MCTP1: variants seen among roughly 807,000 people sequenced by gnomAD.
MCTP1 encodes the protein multiple C2 and transmembrane domain containing 1.
In MCTP1, 69 loss-of-function variants were observed where a neutral mutation model predicts 120.6. The observed-to-expected ratio is 0.57, with a 90% CI of 0.47 to 0.70. The LOEUF (loss-of-function observed/expected upper bound fraction) is 0.70, where lower values mean the gene tolerates loss of function less well. Ranked by LOEUF, MCTP1 falls within the 30% of genes least tolerant of loss-of-function variation. The pLI, the probability that MCTP1 is intolerant of heterozygous loss-of-function variation, is 0.00. For synonymous variants in MCTP1, 529 were observed against 493.1 expected, an observed-to-expected ratio of 1.07 and a Z score of -0.96; for missense variants, 1,203 against 1,248.8, an observed-to-expected ratio of 0.96 and a Z score of 0.55.
At chr5:95,254,462 C>T (rs889470554) in intron 1 of MCTP1, among the ~76,000 whole-genome samples, 3 of 152,112 alleles carry the variant, frequency 2.0e-5, no homozygotes, top group East Asian at 1.9e-4. Context: ...GGCAGCCTGG[C>T]TCCAGAACCT....
intron 11 of MCTP1, among the ~76,000 whole-genome samples, chr5:94,891,025 C>A (rs1043694853): frequency 2.8e-4 from 43 of 152,136 alleles, no homozygotes. Context: ...TACTGACAAG[C>A]AAAAGCTTAC....
chr5:95,284,637 T>A lies in MCTP1; in HGVS notation c.-62A>T, dbSNP rs1270254142. The A allele has an allele frequency of 1.5e-6, 2 of 1,290,852 alleles. No homozygotes were observed. The highest frequency in any genetic ancestry group is 3.8e-5 in the Admixed American group (1 of 26,176). 80.0% of individuals were successfully genotyped at this position (1,290,852 alleles called of 1,614,324 possible). A position where few individuals can be genotyped will look rare whatever the true frequency, so the allele number is the denominator to read the frequency against. On this transcript the variant is annotated 5_prime_UTR_variant, in exon 1 of 23. Transcript: ENST00000515393. The surrounding 1 kb of genome is among the most constrained non-coding windows in gnomAD (Gnocchi z 5.2). ...TCCTCCTCCTCCTGCTTCTCCTCCC[T>A]CTTCGGCTGCACCTCCTCCCGGGTC... is the stretch of plus-strand genomic sequence containing the variant.
chr5:94,882,163 T>C (rs1447895114), intron 12 of MCTP1, among the ~76,000 whole-genome samples: 1 of 152,194 alleles, frequency 6.6e-6, no homozygotes, highest in Admixed American at 6.5e-5. Flanking sequence ...GTCTGTAGTA[T>C]AGGATTGTAT....
intron 21 of MCTP1, 156 bp downstream of exon 21, chr5:94,710,662 T>TA: frequency 1.8e-6 from 1 of 566,050 alleles, no homozygotes; most frequent in Non-Finnish European, 3.1e-6. Context: ...TAAATCTTTA[T>TA]ACTGTTGTGA....
At chr5:94,996,130 G>A (rs990002070) in intron 2 of MCTP1, among the ~76,000 whole-genome samples, 1 of 152,032 alleles carries the variant, frequency 6.6e-6, no homozygotes, top group Non-Finnish European at 1.5e-5. Flanking sequence ...CACTGAGTGG[G>A]ATATAATATT....
intron 1 of MCTP1, among the ~76,000 whole-genome samples, chr5:95,244,050 T>C (rs1226167845): frequency 6.6e-6 from 1 of 152,080 alleles, no homozygotes; most frequent in Non-Finnish European, 1.5e-5. Flanking sequence ...ACAGAGAGAG[T>C]ATCTCCCTAC....
At chr5:95,220,176 T>C (rs908232790) in intron 1 of MCTP1, among the ~76,000 whole-genome samples, 2 of 152,212 alleles carry the variant, frequency 1.3e-5, no homozygotes, top group Admixed American at 6.5e-5. Context: ...GCCTATGTCA[T>C]TGAAGAGTTA....
At position 94,708,521 on chromosome 5, in the gene MCTP1, A is replaced by T. The variant is rs566033810; in HGVS notation, c.2919T>A (p.Asp973Glu). ...LLDFLSRVPS[D>E]VQVVQYQELK... is the part of the protein sequence containing the mutation. ...AACGAAACCTACATACCACTTGTAC[A>T]TCTGAAGGGACTCTGGAAAGGAAGT... Residue 973 changes from aspartate (D) to glutamate (E), a missense_variant, in exon 22 of 23, where the codon GAT becomes GAA. Around this residue, in one of 2 missense-constraint regions of MCTP1, gnomAD observed 740 missense variants for 871.1 expected, o/e 0.85. Coordinates refer to ENST00000515393, the MANE Select transcript of MCTP1 (RefSeq NM_024717.7). 6.3e-7 allele frequency: 1 copy of T among 1,595,044 alleles called. No homozygotes were observed. The highest frequency in any genetic ancestry group is 1.3e-5 in the African/African-American group (1 of 74,530).
intron 1 of MCTP1, among the ~76,000 whole-genome samples, chr5:95,222,975 T>C (rs1459248721): frequency 6.6e-6 from 1 of 152,226 alleles, no homozygotes; most frequent in African/African-American, 2.4e-5. Flanking sequence ...GGATGAAGTC[T>C]GAAGGCAGTC....
rs1463761484 is a variant in MCTP1, at chr5:94,773,980, G to A, written c.2610+5130C>T. On this transcript the variant is annotated intron_variant, in intron 19 of 22. Coordinates refer to ENST00000515393, the MANE Select transcript of MCTP1 (RefSeq NM_024717.7). Reference sequence around the variant, plus strand: ...TCCCAGCACTTTGGGAGGCCGAGGCGGGCGGATCACGAGGTCAGGAGATCG... The same window carrying A: ...TCCCAGCACTTTGGGAGGCCGAGGCAGGCGGATCACGAGGTCAGGAGATCG... Among the ~76,000 whole-genome samples, 6 of 39,276 alleles carry A rather than the reference G, an allele frequency of 1.5e-4. 2 individuals carry two copies. The highest frequency in any genetic ancestry group is 1.1e-3 in the South Asian group (1 of 902). 25.8% of individuals were successfully genotyped at this position (39,276 alleles called of 152,430 possible). A position where few individuals can be genotyped will look rare whatever the true frequency, so the allele number is the denominator to read the frequency against.
At chr5:95,110,076 T>C (rs1211629390) in intron 1 of MCTP1, among the ~76,000 whole-genome samples, 1 of 151,874 alleles carries the variant, frequency 6.6e-6, no homozygotes, top group Non-Finnish European at 1.5e-5. Context: ...TAAAATATTT[T>C]CCCCAAAACA....
chr5:95,265,597 C>T (rs1022774586), intron 1 of MCTP1, among the ~76,000 whole-genome samples: 1 of 152,202 alleles, frequency 6.6e-6, no homozygotes, highest in Non-Finnish European at 1.5e-5. Flanking sequence ...GAGTACACTA[C>T]TGCTGGTGCA....
chr5:94,938,030 A>G (rs915444295), intron 5 of MCTP1, among the ~76,000 whole-genome samples: 2 of 151,960 alleles, frequency 1.3e-5, no homozygotes, highest in African/African-American at 4.8e-5. Context: ...AGGTAAACCT[A>G]CCAGTTTCCC....
At position 95,188,401 on chromosome 5, in the gene MCTP1, T is replaced by C. The variant is rs74339160; in HGVS notation, c.720+95455A>G. Among the ~76,000 whole-genome samples the C allele has an allele frequency of 1.2e-3, 184 of 152,344 alleles. 1 individual carries two copies. In the East Asian group the frequency reaches 0.027, roughly 22 times the overall value. ...ACCATATGACCCAGCAATTGTGCTC[T>C]TGGGCATTTATACCAGAGCAATGAA... On this transcript the variant is annotated intron_variant, in intron 1 of 22. Coordinates refer to ENST00000515393, the MANE Select transcript of MCTP1 (RefSeq NM_024717.7).
chr5:95,016,304 C>T (rs578022032), intron 2 of MCTP1, among the ~76,000 whole-genome samples: 12 of 152,132 alleles, frequency 7.9e-5, no homozygotes, highest in African/African-American at 2.9e-4. Flanking sequence ...GAATGAGCCA[C>T]CACACCCAGA....
chr5:95,238,478 C>T (rs943186256), intron 1 of MCTP1, among the ~76,000 whole-genome samples: 1 of 152,118 alleles, frequency 6.6e-6, no homozygotes, highest in Non-Finnish European at 1.5e-5. Flanking sequence ...CATAACACCT[C>T]ATTGTTACTC....
intron 1 of MCTP1, among the ~76,000 whole-genome samples, chr5:95,029,301 C>T (rs1291744634): frequency 1.3e-5 from 2 of 151,898 alleles, no homozygotes; most frequent in African/African-American, 4.8e-5. Context: ...GGACACAAAG[C>T]CTAGTTATGG....
rs542917994 is a variant in MCTP1 at position 95,161,171 on chromosome 5, G to C, written c.720+122685C>G. Among the ~76,000 whole-genome samples, 5 of 152,246 alleles carry C rather than the reference G, an allele frequency of 3.3e-5. No homozygotes were observed. The East Asian group carries it at 7.7e-4, about 23-fold the overall frequency. On this transcript the variant is annotated intron_variant, in intron 1 of 22. Coordinates refer to ENST00000515393, the MANE Select transcript of MCTP1 (RefSeq NM_024717.7). ...GTTCATTGCACCATTCTTCACAATA[G>C]CTAAGATATGGAAGCAACCTAGGTG...
chr5:94,749,130 T>G (rs543818366), intron 19 of MCTP1, among the ~76,000 whole-genome samples: 5 of 152,312 alleles, frequency 3.3e-5, no homozygotes, highest in Non-Finnish European at 5.9e-5. Flanking sequence ...TAGACAAACC[T>G]TGAAAGTTCA....
Sources: allele counts gnomAD v4.1 joint callset (sites outside exome capture counted in the v4.1 genomes callset), GRCh38; gene constraint gnomAD v4.1.1; regional missense constraint gnomAD v4.1.1; non-coding constraint Gnocchi (gnomAD v3.1); transcripts MANE v1.5; gene names NCBI Gene and HGNC (gene_info 2026-07-23, HGNC 2026-07-21).